SLITRK3: variants seen among roughly 807,000 people sequenced by gnomAD.
SLITRK3 encodes the protein SLIT and NTRK like family member 3, also known as SLIT and NTRK-like protein 3.
In SLITRK3, 16 loss-of-function variants were observed where a neutral mutation model predicts 63.6. That is an observed-to-expected ratio of 0.25 (90% CI 0.17 to 0.38). The LOEUF is 0.38. Among genes scored for constraint, SLITRK3 ranks in the 10% least tolerant of loss-of-function variants. The pLI, the probability that SLITRK3 is intolerant of heterozygous loss-of-function variation, is 1.00. For synonymous variants in SLITRK3, 547 were observed against 451.6 expected, an observed-to-expected ratio of 1.21 and a Z score of -2.68; for missense variants, 1,117 against 1,181.4, an observed-to-expected ratio of 0.95 and a Z score of 0.80.
At position 165,187,283 on chromosome 3, in the gene SLITRK3, T is replaced by C. The variant is rs1426763578; in HGVS notation, c.*614A>G. On this transcript the variant is annotated 3_prime_UTR_variant, in exon 2 of 2. Transcript: ENST00000475390. ...GCACCAGCAGGAAGAAACTGCAGGTTTAGGGACCATGGTCTGCAGATGGAT... is the reference window on the plus strand; with the variant it reads ...GCACCAGCAGGAAGAAACTGCAGGTCTAGGGACCATGGTCTGCAGATGGAT... 6.6e-6 allele frequency: 1 copy of C among 150,838 alleles called. No homozygotes were observed. Among genetic ancestry groups the C allele is most frequent in the Non-Finnish European group, 1.5e-5 (1 of 68,634 alleles). 9.3% of individuals were successfully genotyped at this position (150,838 alleles called of 1,614,324 possible). A position where few individuals can be genotyped will look rare whatever the true frequency, so the allele number is the denominator to read the frequency against.
At chr3:165,196,774 C>T (rs1718435347), upstream of SLITRK3, 1 of 152,296 alleles carries the variant, frequency 6.6e-6, no homozygotes, top group Admixed American at 6.5e-5. Context: ...CCCCGCACCC[C>T]CGGCCCCTCC....
At chr3:165,194,621 C>G (rs1162459406) in intron 1 of SLITRK3, among the ~76,000 whole-genome samples, 1 of 152,114 alleles carries the variant, frequency 6.6e-6, no homozygotes, top group Non-Finnish European at 1.5e-5. Context: ...CGCACCCTCC[C>G]CCCCATCCCC....
Position 165,193,305 on chromosome 3 carries a change from CTTTCT to C in SLITRK3, c.-22+2270_-22+2274del, listed in dbSNP as rs751871382. Among the ~76,000 whole-genome samples the C allele has an allele frequency of 9.9e-3, 1,129 of 113,738 alleles. 16 individuals are homozygous for C. Among genetic ancestry groups the C allele is most frequent in the African/African-American group, 0.032 (1,068 of 33,158 alleles). The allele number at this position is 113,738 out of a possible 152,430, so 74.6% of individuals were successfully genotyped here. A position where few individuals can be genotyped will look rare whatever the true frequency, so the allele number is the denominator to read the frequency against. On this transcript the variant is annotated intron_variant, in intron 1 of 1. Transcript: ENST00000475390. ...TCTTTCTTTCTTTCTTTCTTTCTTT[CTTTCT>C]TTTTTTTTAAACTCTCAAGGAAACC... is the stretch of plus-strand genomic sequence containing the variant.
chr3:165,192,189 T>A (rs749797066), intron 1 of SLITRK3, among the ~76,000 whole-genome samples: 3 of 143,834 alleles, frequency 2.1e-5, no homozygotes, highest in African/African-American at 4.9e-5. Flanking sequence ...ATATAATTTA[T>A]AGGAAAAGTG....
rs1425293344 is a variant in SLITRK3 at position 165,188,422 on chromosome 3, C to A, written c.2409G>T (p.Glu803Asp). 2 of 1,613,960 alleles carry A rather than the reference C, an allele frequency of 1.2e-6. No individual in the cohort carries two copies. The highest frequency in any genetic ancestry group is 1.7e-6 in the Non-Finnish European group (2 of 1,179,990). Residue 803 changes from glutamate (E) to aspartate (D), a missense_variant, in exon 2 of 2, where the codon GAG becomes GAT. Around this residue, in one of 4 missense-constraint regions of SLITRK3, gnomAD observed 499 missense variants for 463.6 expected, o/e 1.08. Transcript: ENST00000475390. ...GSEQFAETPK[E>D]NHSNYRTLLE... ...GCAAGGTCCGGTAGTTACTATGGTT[C>A]TCCTTGGGTGTCTCAGCAAACTGCT...
In SLITRK3 at chr3:165,189,937, C is replaced by A; in HGVS notation, c.894G>T (p.Ser298=). The change falls in exon 2 of 2, where the codon TCG becomes TCT. Residue 298 remains serine, a synonymous_variant. Coordinates refer to ENST00000475390, the MANE Select transcript of SLITRK3 (RefSeq NM_001318810.2). This position sits in a 1 kb window ranked among gnomAD's most constrained non-coding sequence, Gnocchi z 4.0. Reference sequence around the variant, plus strand: ...GCCATGCATTCTCCTTACTTGATGACGAATGTGGAATTCCCAAACTAGCCT... The same window carrying A: ...GCCATGCATTCTCCTTACTTGATGAAGAATGTGGAATTCCCAAACTAGCCT... ...EVEASLGIPH[S]SSSKENAWPT... The A allele has an allele frequency of 6.2e-7, 1 of 1,614,048 alleles. No individual in the cohort carries two copies. The highest frequency in any genetic ancestry group is 8.5e-7 in the Non-Finnish European group (1 of 1,180,014).
rs1219970518 is a variant in SLITRK3, at chr3:165,188,186, C to T, written c.2645G>A (p.Ser882Asn). 4 of 1,613,714 alleles carry T rather than the reference C, an allele frequency of 2.5e-6. No homozygotes were observed. The African/African-American group carries it at 4.0e-5, about 16-fold the overall frequency. ...FPPGGGCGSG[S>N]MLLDRERPQP... Reference sequence around the variant, plus strand: ...TGGCCTCTCTCGATCTAGTAGCATACTGCCACTACCACAGCCTCCCCCAGG... The same window carrying T: ...TGGCCTCTCTCGATCTAGTAGCATATTGCCACTACCACAGCCTCCCCCAGG... The change falls in exon 2 of 2, where the codon AGT (serine) becomes AAT (asparagine). Residue 882 changes from serine to asparagine, a missense_variant. This residue lies in a region of SLITRK3 where 499 missense variants were observed against 463.6 expected (regional missense o/e 1.08). Coordinates refer to ENST00000475390, the MANE Select transcript of SLITRK3 (RefSeq NM_001318810.2).
chr3:165,189,212 A>G lies in SLITRK3; in HGVS notation c.1619T>C (p.Leu540Pro), dbSNP rs765175118. 95 of 1,614,100 alleles carry G rather than the reference A, an allele frequency of 5.9e-5. No individual in the cohort carries two copies. Among genetic ancestry groups the G allele is most frequent in the Non-Finnish European group, 7.7e-5 (91 of 1,180,040 alleles). ...CAGGACACCAGCCACGGGAAGATAGAGGAAGTAGTTCTTCCTCAGGTTGAG... is the reference window on the plus strand; with the variant it reads ...CAGGACACCAGCCACGGGAAGATAGGGGAAGTAGTTCTTCCTCAGGTTGAG... ...ARLNLRKNYF[L>P]YLPVAGVLEH... Residue 540 changes from leucine to proline, a missense_variant, in exon 2 of 2, where the codon CTC (leucine) becomes CCC (proline). This residue lies in a region of SLITRK3 where 158 missense variants were observed against 197.2 expected (regional missense o/e 0.80). Transcript: ENST00000475390. The surrounding 1 kb of genome is among the most constrained non-coding windows in gnomAD (Gnocchi z 4.0).
chr3:165,193,927 A>G (rs1023350547), intron 1 of SLITRK3, among the ~76,000 whole-genome samples: 3 of 152,174 alleles, frequency 2.0e-5, no homozygotes, highest in African/African-American at 7.2e-5. Flanking sequence ...ATTGTATTGT[A>G]GAGGGACTAC....
chr3:165,189,755 G>T lies in SLITRK3; in HGVS notation c.1076C>A (p.Pro359His). 1 of 1,614,198 alleles carries T rather than the reference G, an allele frequency of 6.2e-7. No homozygotes were observed. The highest frequency in any genetic ancestry group is 8.5e-7 in the Non-Finnish European group (1 of 1,180,038). ...TGGTCTGGTCTGATAAGGAGCAATGGGAGGCTGGTTTGGACCAGGATATAA... is the reference window on the plus strand; with the variant it reads ...TGGTCTGGTCTGATAAGGAGCAATGTGAGGCTGGTTTGGACCAGGATATAA... ...QALYPGPNQPPIAPYQTRPPI... is the reference protein window; with the variant it reads ...QALYPGPNQPHIAPYQTRPPI... Residue 359 changes from proline (P) to histidine (H), a missense_variant, in exon 2 of 2, where the codon CCC (proline) becomes CAC (histidine). Pro to His is a moderately conservative substitution (Grantham distance 77). This residue lies in a region of SLITRK3 where 452 missense variants were observed against 495.3 expected (regional missense o/e 0.91). Transcript: ENST00000475390. This position sits in a 1 kb window ranked among gnomAD's most constrained non-coding sequence, Gnocchi z 4.0.
Position 165,188,008 on chromosome 3 carries a change from C to A in SLITRK3, c.2823G>T (p.Lys941Asn). ...LKETLLFSAG[K>N]GFTDHQTQKS... ...TTTGGGTTTGGTGGTCTGTGAAGCC[C>A]TTTCCAGCCGAGAAGAGAAGGGTTT... Residue 941 changes from lysine (K) to asparagine (N), a missense_variant, in exon 2 of 2, where the codon AAG (lysine) becomes AAT (asparagine). This residue lies in a region of SLITRK3 where 499 missense variants were observed against 463.6 expected (regional missense o/e 1.08). Transcript: ENST00000475390. 1 of 1,614,000 alleles carries A rather than the reference C, an allele frequency of 6.2e-7. No homozygotes were observed. Among genetic ancestry groups the A allele is most frequent in the South Asian group, 1.1e-5 (1 of 91,058 alleles).
At chr3:165,191,501 C>G (rs1718225672) in intron 1 of SLITRK3, among the ~76,000 whole-genome samples, 1 of 152,132 alleles carries the variant, frequency 6.6e-6, no homozygotes, top group Non-Finnish European at 1.5e-5. Context: ...AGTATGTACA[C>G]TATATGTCCA....
intron 1 of SLITRK3, among the ~76,000 whole-genome samples, chr3:165,194,957 C>T (rs989523683): frequency 6.6e-6 from 1 of 152,104 alleles, no homozygotes; most frequent in East Asian, 1.9e-4. Flanking sequence ...CTGCTGGGAG[C>T]GCCCAGAGCC....
rs746554203 is a variant in SLITRK3 at position 165,188,360 on chromosome 3, C to T, written c.2471G>A (p.Ser824Asn). Residue 824 changes from serine to asparagine, a missense_variant, in exon 2 of 2, where the codon AGC becomes AAC. Physicochemically the swap from Ser to Asn is conservative, Grantham distance 46. This residue lies in a region of SLITRK3 where 499 missense variants were observed against 463.6 expected (regional missense o/e 1.08). Coordinates refer to ENST00000475390, the MANE Select transcript of SLITRK3 (RefSeq NM_001318810.2). ...KEKEWALAVS[S>N]SQLNTIVTVN... ...CGTCACTATGGTGTTAAGCTGGGAGCTGGACACTGCTAGGGCCCACTCCTT... is the reference window on the plus strand; with the variant it reads ...CGTCACTATGGTGTTAAGCTGGGAGTTGGACACTGCTAGGGCCCACTCCTT... 2 of 1,614,014 alleles carry T rather than the reference C, an allele frequency of 1.2e-6. No homozygotes were observed. Among genetic ancestry groups the T allele is most frequent in the South Asian group, 1.1e-5 (1 of 91,058 alleles).
Position 165,188,320 on chromosome 3 carries a change from G to A in SLITRK3, c.2511C>T (p.His837=), listed in dbSNP as rs989572042. Residue 837 remains histidine, a synonymous_variant, in exon 2 of 2, where the codon CAC becomes CAT. Transcript: ENST00000475390. ...CCCCACCAACTGCTGGGTGGTGAGG[G>A]TGATGGTGATTCACCGTCACTATGG... The part of the protein sequence containing the change: ...LNTIVTVNHH[H]PHHPAVGGVS... 1 of 1,614,024 alleles carries A rather than the reference G, an allele frequency of 6.2e-7. No homozygotes were observed. Among genetic ancestry groups the A allele is most frequent in the African/African-American group, 1.3e-5 (1 of 75,000 alleles).
intron 1 of SLITRK3, among the ~76,000 whole-genome samples, chr3:165,193,309 CTTTTT>C (rs368652085): frequency 4.6e-5 from 3 of 65,240 alleles, no homozygotes; most frequent in African/African-American, 1.7e-4. Context: ...TTCTTTCTTT[CTTTTT>C]TTTTAAACTC....
chr3:165,188,892 G>A lies in SLITRK3; in HGVS notation c.1939C>T (p.Pro647Ser). Residue 647 changes from proline (P) to serine (S), a missense_variant, in exon 2 of 2, where the codon CCT becomes TCT. By Grantham distance (74) the Pro-to-Ser change is moderately conservative (BLOSUM62 -1). Transcript: ENST00000475390. ...TSASPYEFSP[P>S]GGPVPLSVLI... The stretch of plus-strand genomic sequence containing the variant: ...ACAGAAAGTGGCACAGGGCCCCCAG[G>A]AGGAGAAAACTCATAAGGTGATGCA... The A allele has an allele frequency of 6.2e-7, 1 of 1,614,144 alleles. No homozygotes were observed. The highest frequency in any genetic ancestry group is 8.5e-7 in the Non-Finnish European group (1 of 1,180,016).
At position 165,188,786 on chromosome 3, in the gene SLITRK3, C is replaced by T. The variant is rs542167797; in HGVS notation, c.2045G>A (p.Arg682His). Residue 682 changes from arginine (R) to histidine (H), a missense_variant, in exon 2 of 2, where the codon CGT becomes CAT. Around this residue, in one of 4 missense-constraint regions of SLITRK3, gnomAD observed 499 missense variants for 463.6 expected, o/e 1.08. Coordinates refer to ENST00000475390, the MANE Select transcript of SLITRK3 (RefSeq NM_001318810.2). ...GCTTCTGAAGGGCAGCTTCTTTCGA[C>T]GCCTTCGGAGCACGTAGGCAAAGAG... ...AGLFAYVLRR[R>H]RKKLPFRSKR... 1.2e-5 allele frequency: 19 copies of T among 1,614,162 alleles called. No individual in the cohort carries two copies. Among genetic ancestry groups the T allele is most frequent in the East Asian group, 2.2e-5 (1 of 44,856 alleles).
Position 165,189,387 on chromosome 3 carries a change from A to C in SLITRK3, c.1444T>G (p.Leu482Val). The change falls in exon 2 of 2, where the codon TTG becomes GTG. Residue 482 changes from leucine (L) to valine (V), a missense_variant. Leu to Val is a conservative substitution (Grantham distance 32). Transcript: ENST00000475390. The surrounding 1 kb of genome is among the most constrained non-coding windows in gnomAD (Gnocchi z 4.0). ...TPGMFRGLQSLHYLYFEFNVI... is the reference protein window; with the variant it reads ...TPGMFRGLQSVHYLYFEFNVI... Reference sequence around the variant, plus strand: ...TTGAACTCAAAGTACAAGTAGTGCAAACTCTGTAGGCCTCGGAACATGCCT... The same window carrying C: ...TTGAACTCAAAGTACAAGTAGTGCACACTCTGTAGGCCTCGGAACATGCCT... 6.2e-7 allele frequency: 1 copy of C among 1,614,012 alleles called. No individual in the cohort carries two copies. Among genetic ancestry groups the C allele is most frequent in the Non-Finnish European group, 8.5e-7 (1 of 1,180,018 alleles).
Sources: allele counts gnomAD v4.1 joint callset (sites outside exome capture counted in the v4.1 genomes callset), GRCh38; gene constraint gnomAD v4.1.1; regional missense constraint gnomAD v4.1.1; non-coding constraint Gnocchi (gnomAD v3.1); transcripts MANE v1.5; gene names NCBI Gene and HGNC (gene_info 2026-07-23, HGNC 2026-07-21).